Variants in SLIT3 observed in about 807,000 individuals in gnomAD.
SLIT3 encodes the protein slit guidance ligand 3, also known as slit homolog 3 protein.
In SLIT3, 68 loss-of-function variants were observed where a neutral mutation model predicts 184.0. The ratio of observed to expected loss-of-function variants is 0.37; its 90% confidence interval spans 0.30 to 0.45. SLIT3 has a LOEUF of 0.45. Ranked by LOEUF, SLIT3 falls within the 20% of genes least tolerant of loss-of-function variation. The probability of loss-of-function intolerance (pLI) is 1.00; values close to 1 mark genes in which losing one functional copy is unlikely to be tolerated. For synonymous variants in SLIT3, 831 were observed against 828.6 expected (o/e 1.00, Z -0.05); for missense variants, 1,707 against 2,026.0 (o/e 0.84, Z 3.02).
intron 4 of SLIT3, among the ~76,000 whole-genome samples, chr5:169,081,239 T>A (rs1294892976): frequency 6.6e-6 from 1 of 152,140 alleles, no homozygotes; most frequent in Non-Finnish European, 1.5e-5. Flanking sequence ...TGCTTTTCTC[T>A]TTCATTAAAC....
chr5:169,245,519 C>G (rs1436156443), intron 2 of SLIT3, among the ~76,000 whole-genome samples: 3 of 151,992 alleles, frequency 2.0e-5, no homozygotes, highest in African/African-American at 2.4e-5. Context: ...GGGAGAGAAA[C>G]AATGAAGCTA....
chr5:169,128,935 GAGATGACTTTTGAAAGATACATATACT>G (rs1435902132), intron 4 of SLIT3, among the ~76,000 whole-genome samples: 43 of 152,226 alleles, frequency 2.8e-4, no homozygotes, highest in African/African-American at 9.9e-4. Flanking sequence ...CTGGAAATAA[GAGATGACTTTTGAAAGATACATATACT>G]CACAGGCAAA....
At position 168,928,015 on chromosome 5, in the gene SLIT3, C is replaced by A. The variant is rs76291975; in HGVS notation, c.414-44679G>T. 9.6e-3 allele frequency among the ~76,000 whole-genome samples: 1,463 copies of A among 152,308 alleles called. 20 individuals carry two copies. Among genetic ancestry groups the A allele is most frequent in the African/African-American group, 0.033 (1,386 of 41,560 alleles). Reference sequence around the variant, plus strand: ...CACATCACCTATCCCACTGCATTCCCGTTAGCGTGGATGTAGCTATTCCTC... The same window carrying A: ...CACATCACCTATCCCACTGCATTCCAGTTAGCGTGGATGTAGCTATTCCTC... On this transcript the variant is annotated intron_variant, in intron 4 of 35. Coordinates refer to ENST00000519560, the MANE Select transcript of SLIT3 (RefSeq NM_003062.4).
intron 28 of SLIT3, among the ~76,000 whole-genome samples, chr5:168,694,898 C>T (rs113079670): frequency 0.042 from 6,440 of 152,286 alleles, 439 homozygotes; most frequent in African/African-American, 0.15. Context: ...GGATTACAGG[C>T]GTGAGCCACT....
At chr5:168,687,206 C>G in intron 29 of SLIT3, 90 bp from the exon 30 acceptor site, 1 of 1,454,834 alleles carries the variant, frequency 6.9e-7, no homozygotes, top group African/African-American at 1.4e-5. Flanking sequence ...GGTGGCCTCT[C>G]CCCATCTCTT....
intron 4 of SLIT3, among the ~76,000 whole-genome samples, chr5:168,975,260 G>A (rs1289239242): frequency 6.6e-6 from 1 of 152,106 alleles, no homozygotes; most frequent in African/African-American, 2.4e-5. Context: ...TGCAGCCACC[G>A]GGCTCTCCAG....
intron 4 of SLIT3, among the ~76,000 whole-genome samples, chr5:169,126,052 C>T (rs1240860993): frequency 6.6e-6 from 1 of 152,178 alleles, no homozygotes; most frequent in Non-Finnish European, 1.5e-5. Context: ...GACCCACAGA[C>T]AGAAGCGGCC....
chr5:168,987,379 C>T lies in SLIT3; in HGVS notation c.414-104043G>A, dbSNP rs1265588313. Among the ~76,000 whole-genome samples, 3 of 152,212 alleles carry T rather than the reference C, an allele frequency of 2.0e-5. No individual in the cohort carries two copies. In the East Asian group the frequency reaches 5.8e-4, roughly 29 times the overall value. On this transcript the variant is annotated intron_variant, in intron 4 of 35. Transcript: ENST00000519560. ...TATTTTTCTATTCACGCTAATCTCT[C>T]TAGCAGTATAGCCTAGTGGTCCAGA...
At position 168,753,038 on chromosome 5, in the gene SLIT3, C is replaced by T. The variant is rs747077543; in HGVS notation, c.1890G>A (p.Ser630=). ...TGTCATAGAGGGACAGCAGTCTCACCGAACTCAGGCCGGCAAAGGTGTCAT... is the reference window on the plus strand; with the variant it reads ...TGTCATAGAGGGACAGCAGTCTCACTGAACTCAGGCCGGCAAAGGTGTCAT... ...VSNDTFAGLS[S]VRLLSLYDNR... Residue 630 remains serine (S), a synonymous_variant, in exon 18 of 36, where the codon TCG becomes TCA. Coordinates refer to ENST00000519560, the MANE Select transcript of SLIT3 (RefSeq NM_003062.4). The T allele has an allele frequency of 1.1e-5, 18 of 1,613,838 alleles. No individual in the cohort carries two copies. The highest frequency in any genetic ancestry group is 4.5e-5 in the East Asian group (2 of 44,882).
At chr5:169,276,100 G>C (rs1431529743) in intron 1 of SLIT3, among the ~76,000 whole-genome samples, 1 of 152,096 alleles carries the variant, frequency 6.6e-6, no homozygotes, top group Non-Finnish European at 1.5e-5. Flanking sequence ...CAAAGAAAGA[G>C]AGCAATTGAA....
At chr5:169,127,903 A>G (rs755919977) in intron 4 of SLIT3, among the ~76,000 whole-genome samples, 26 of 152,204 alleles carry the variant, frequency 1.7e-4, no homozygotes, top group Non-Finnish European at 3.1e-4. Context: ...AATGTTTATA[A>G]CATTTGACCC....
chr5:168,824,644 C>A (rs1757641369), intron 6 of SLIT3, among the ~76,000 whole-genome samples: 1 of 152,190 alleles, frequency 6.6e-6, no homozygotes, highest in Non-Finnish European at 1.5e-5. Flanking sequence ...GACCCCACAC[C>A]TGCCTCACTA....
Position 168,762,689 on chromosome 5 carries a change from C to T in SLIT3, c.1460G>A (p.Gly487Asp), listed in dbSNP as rs540768733. The change falls in exon 15 of 36, where the codon GGC becomes GAC. Residue 487 changes from glycine (G) to aspartate (D), a missense_variant and splice_region_variant. Transcript: ENST00000519560. ...QIKSKKFRCS[G>D]SEDYRSRFSS... is the part of the protein sequence containing the mutation. The stretch of plus-strand genomic sequence containing the variant: ...GAACCTGCTGCGGTAATCCTCGGAG[C>T]CTGGGAGGGGCCAAAGAGGGGACGT... 2 of 1,612,902 alleles carry T rather than the reference C, an allele frequency of 1.2e-6. No homozygotes were observed. Among genetic ancestry groups the T allele is most frequent in the African/African-American group, 2.7e-5 (2 of 75,018 alleles).
chr5:169,107,009 T>C (rs1481024102), intron 4 of SLIT3, among the ~76,000 whole-genome samples: 1 of 152,256 alleles, frequency 6.6e-6, no homozygotes, highest in Non-Finnish European at 1.5e-5. Context: ...AGGCAGCACC[T>C]GGCAGCCCCT....
At chr5:168,911,653 G>A (rs1436308046) in intron 4 of SLIT3, among the ~76,000 whole-genome samples, 2 of 152,164 alleles carry the variant, frequency 1.3e-5, no homozygotes, top group Non-Finnish European at 2.9e-5. Context: ...TTTGGAATAA[G>A]GAAGGTTTAC....
chr5:169,143,189 T>C (rs1012264496), intron 4 of SLIT3, among the ~76,000 whole-genome samples: 10 of 152,228 alleles, frequency 6.6e-5, no homozygotes, highest in African/African-American at 2.4e-4. Context: ...ACTGAGCACC[T>C]ACTAGGTGCC....
chr5:169,198,517 C>A (rs1329623295), intron 3 of SLIT3, among the ~76,000 whole-genome samples: 2 of 152,178 alleles, frequency 1.3e-5, no homozygotes, highest in East Asian at 1.9e-4. Flanking sequence ...AACTAGGCAG[C>A]AGTCATACCA....
chr5:168,991,853 C>T (rs1490205947), intron 4 of SLIT3, among the ~76,000 whole-genome samples: 1 of 152,220 alleles, frequency 6.6e-6, no homozygotes, highest in Non-Finnish European at 1.5e-5. Context: ...CCTCTTGACG[C>T]CCAATTCCCA....
At chr5:169,088,955 G>A (rs900589639) in intron 4 of SLIT3, among the ~76,000 whole-genome samples, 1 of 139,828 alleles carries the variant, frequency 7.2e-6, no homozygotes, top group Non-Finnish European at 1.5e-5. Context: ...GGGAGGCAGA[G>A]GTTGCAGTGA....
Sources: allele counts gnomAD v4.1 joint callset (sites outside exome capture counted in the v4.1 genomes callset), GRCh38; gene constraint gnomAD v4.1.1; transcripts MANE v1.5; gene names NCBI Gene and HGNC (gene_info 2026-07-23, HGNC 2026-07-21).